Variants in GRIK2 observed in about 807,000 individuals in gnomAD.
GRIK2 encodes the protein glutamate ionotropic receptor kainate type subunit 2, also known as glutamate receptor ionotropic, kainate 2.
Under a neutral mutation model 100.3 loss-of-function variants are expected in GRIK2, and 32 were observed. That is an observed-to-expected ratio of 0.32 (90% CI 0.24 to 0.43). The LOEUF (loss-of-function observed/expected upper bound fraction) is 0.43. Among genes scored for constraint, GRIK2 ranks in the 20% least tolerant of loss-of-function variants. GRIK2 has a pLI of 1.00. For missense variants in GRIK2, 843 were observed against 1,114.9 expected, an observed-to-expected ratio of 0.76 and a Z score of 3.47; for synonymous variants, 417 against 389.4, an observed-to-expected ratio of 1.07 and a Z score of -0.83.
intron 2 of GRIK2, among the ~76,000 whole-genome samples, chr6:101,537,863 T>C (rs932152221): frequency 6.6e-6 from 1 of 151,764 alleles, no homozygotes; most frequent in Non-Finnish European, 1.5e-5. Context: ...TGTGAGCAGA[T>C]ATTTATTAGC....
At chr6:101,779,544 A>T (rs1778953145) in intron 7 of GRIK2, among the ~76,000 whole-genome samples, 1 of 152,206 alleles carries the variant, frequency 6.6e-6, no homozygotes, top group African/African-American at 2.4e-5. Context: ...AGGTTAACTA[A>T]CTTATTTTGG....
At chr6:101,620,868 G>A (rs1037584932) in intron 2 of GRIK2, among the ~76,000 whole-genome samples, 1 of 152,116 alleles carries the variant, frequency 6.6e-6, no homozygotes, top group Non-Finnish European at 1.5e-5. Context: ...CCCAGCTAAC[G>A]AGAGAGCAAT....
intron 11 of GRIK2, among the ~76,000 whole-genome samples, chr6:101,868,976 A>C (rs931888381): frequency 6.6e-6 from 1 of 151,930 alleles, no homozygotes; most frequent in Non-Finnish European, 1.5e-5. Flanking sequence ...AGATATTCTG[A>C]AAATATTTTG....
intron 7 of GRIK2, among the ~76,000 whole-genome samples, chr6:101,711,415 T>TA (rs1330664938): frequency 1.3e-5 from 2 of 151,792 alleles, no homozygotes; most frequent in Non-Finnish European, 2.9e-5. Flanking sequence ...GATTTTAATA[T>TA]AAAATCTGAA....
chr6:101,998,850 G>T (rs960573043), intron 14 of GRIK2, among the ~76,000 whole-genome samples: 1 of 104,572 alleles, frequency 9.6e-6, no homozygotes. Flanking sequence ...GTCTCGTTCT[G>T]TCTCCTAGGC....
intron 14 of GRIK2, among the ~76,000 whole-genome samples, chr6:101,988,077 A>G (rs963809596): frequency 6.8e-6 from 1 of 147,692 alleles, no homozygotes; most frequent in Non-Finnish European, 1.5e-5. Context: ...CTCAGGGCTT[A>G]TGCCAGTATT....
intron 2 of GRIK2, among the ~76,000 whole-genome samples, chr6:101,533,523 C>G (rs747980750): frequency 6.6e-6 from 1 of 151,796 alleles, no homozygotes; most frequent in Non-Finnish European, 1.5e-5. Context: ...CCTCTGATGT[C>G]CTTTGTAAGG....
Position 101,820,087 on chromosome 6 carries a change from C to T in GRIK2, c.1317+1604C>T, listed in dbSNP as rs141490510. ...ATTGGGATAACCAGTTAGCCTGCTA[C>T]ATAGTTTTGTGAATGCTCTTCCCTT... On this transcript the variant is annotated intron_variant, in intron 10 of 16. Transcript: ENST00000369134. Among the ~76,000 whole-genome samples the T allele has an allele frequency of 5.8e-3, 883 of 152,240 alleles. 11 individuals carry two copies. The highest frequency in any genetic ancestry group is 0.02 in the African/African-American group (844 of 41,532).
intron 4 of GRIK2, among the ~76,000 whole-genome samples, chr6:101,669,807 C>T (rs1770295709): frequency 6.6e-6 from 1 of 152,014 alleles, no homozygotes. Flanking sequence ...TTTTGTCAAC[C>T]ATCTTCCATT....
intron 2 of GRIK2, among the ~76,000 whole-genome samples, chr6:101,535,504 G>A (rs1372517184): frequency 2.6e-5 from 4 of 151,654 alleles, no homozygotes; most frequent in Non-Finnish European, 4.4e-5. Context: ...TTGGGAAATC[G>A]GGAATAACAA....
At chr6:101,512,333 T>C (rs960396609) in intron 2 of GRIK2, among the ~76,000 whole-genome samples, 1 of 152,064 alleles carries the variant, frequency 6.6e-6, no homozygotes, top group Non-Finnish European at 1.5e-5. Flanking sequence ...ACCATTATTT[T>C]TTAAAAATTT....
intron 7 of GRIK2, among the ~76,000 whole-genome samples, chr6:101,764,533 C>A (rs920183158): frequency 3.9e-5 from 6 of 152,066 alleles, no homozygotes; most frequent in African/African-American, 1.4e-4. Flanking sequence ...AAGTGTATTT[C>A]TAATAGCATT....
At chr6:102,030,473 C>T (rs1269203414) in intron 14 of GRIK2, among the ~76,000 whole-genome samples, 1 of 150,798 alleles carries the variant, frequency 6.6e-6, no homozygotes, top group African/African-American at 2.4e-5. Flanking sequence ...CTTTCTTAAT[C>T]CACTTTGATG....
At chr6:101,964,940 T>TGTTAA (rs1467695670) in intron 14 of GRIK2, among the ~76,000 whole-genome samples, 1 of 151,650 alleles carries the variant, frequency 6.6e-6, no homozygotes, top group African/African-American at 2.4e-5. Context: ...GTGTAGATTA[T>TGTTAA]GTTAAGTTTG....
chr6:101,694,284 A>G (rs1389703129), intron 7 of GRIK2, among the ~76,000 whole-genome samples: 1 of 152,132 alleles, frequency 6.6e-6, no homozygotes, highest in Non-Finnish European at 1.5e-5. Context: ...AAGAAAATAG[A>G]GAATGGATTA....
intron 2 of GRIK2, among the ~76,000 whole-genome samples, chr6:101,459,025 G>T (rs1316998118): frequency 1.3e-5 from 2 of 151,900 alleles, no homozygotes; most frequent in Non-Finnish European, 2.9e-5. Context: ...GAAAAAAGTT[G>T]GAGTAATAAT....
chr6:102,064,946 T>A (rs1220828589), intron 16 of GRIK2, among the ~76,000 whole-genome samples: 3 of 151,282 alleles, frequency 2.0e-5, no homozygotes, highest in Admixed American at 6.6e-5. Flanking sequence ...ATTCTACAAA[T>A]GAGAAAAGAA....
chr6:101,610,539 G>C (rs951910537), intron 2 of GRIK2, among the ~76,000 whole-genome samples: 1 of 151,780 alleles, frequency 6.6e-6, no homozygotes, highest in African/African-American at 2.4e-5. Flanking sequence ...AGAGAGTTAA[G>C]TGTCCCATAT....
At chr6:101,793,704 A>G (rs1583164228) in intron 7 of GRIK2, among the ~76,000 whole-genome samples, 4 of 152,282 alleles carry the variant, frequency 2.6e-5, no homozygotes, top group African/African-American at 7.2e-5. Flanking sequence ...TCAGATCTCC[A>G]GCTGCCTGCT....
Sources: gnomAD v4.1 joint callset for allele counts (sites outside exome capture counted in the v4.1 genomes callset) on GRCh38, gnomAD v4.1.1 for gene constraint, MANE v1.5 for transcripts, NCBI Gene and HGNC (gene_info 2026-07-23, HGNC 2026-07-21) for gene names.